Variants in SRP72 observed in about 807,000 individuals in gnomAD.
SRP72 encodes signal recognition particle subunit SRP72.
In SRP72, 49 loss-of-function variants were observed where a neutral mutation model predicts 96.3. That is an observed-to-expected ratio of 0.51 (90% confidence interval 0.40 to 0.65). The LOEUF is 0.65. Ranked by LOEUF, SRP72 falls within the 30% of genes least tolerant of loss-of-function variation. SRP72 has a pLI of 0.00. For missense variants in SRP72, 736 were observed against 793.3 expected, an observed-to-expected ratio of 0.93 and a Z score of 0.87; for synonymous variants, 267 against 275.2, an observed-to-expected ratio of 0.97 and a Z score of 0.30.
At chr4:56,473,905 T>G in intron 3 of SRP72, 149 bp from the exon 4 acceptor site, 1 of 695,726 alleles carries the variant, frequency 1.4e-6, no homozygotes, top group Non-Finnish European at 2.3e-6. Flanking sequence ...TACATGGAAC[T>G]ATTTAAAAAT....
chr4:56,502,377 G>A lies in SRP72; in HGVS notation c.*516G>A, dbSNP rs1437532259. ...ACTGATGTTCTTCACTAAATGGATG[G>A]CCACAAGAAAAATAAAGTAAATGTC... On this transcript the variant is annotated 3_prime_UTR_variant, in exon 19 of 19. Transcript: ENST00000642900. The A allele has an allele frequency of 6.6e-6, 1 of 150,870 alleles. No homozygotes were observed. Among genetic ancestry groups the A allele is most frequent in the Non-Finnish European group, 1.5e-5 (1 of 67,916 alleles). 9.3% of individuals were successfully genotyped at this position (150,870 alleles called of 1,614,324 possible).
intron 6 of SRP72, 132 bp downstream of exon 6, chr4:56,476,834 C>A: frequency 1.2e-6 from 1 of 844,170 alleles, no homozygotes; most frequent in Non-Finnish European, 1.8e-6. Flanking sequence ...CACTAGAAAC[C>A]ACCCTCTAGT....
chr4:56,486,109 A>T, intron 10 of SRP72: 1 of 440,020 alleles, frequency 2.3e-6, no homozygotes, highest in Non-Finnish European at 4.2e-6. Flanking sequence ...GACTTACAGA[A>T]AACTTGACTT....
At chr4:56,487,143 A>G (rs771672861) in intron 11 of SRP72, among the ~76,000 whole-genome samples, 5 of 152,186 alleles carry the variant, frequency 3.3e-5, no homozygotes, top group Non-Finnish European at 7.4e-5. Context: ...CTGGTATAGA[A>G]TGTGGATTTT....
chr4:56,486,215 T>G (rs527716962), intron 10 of SRP72, 110 bp from the exon 11 acceptor site: 7 of 752,244 alleles, frequency 9.3e-6, no homozygotes, highest in Non-Finnish European at 1.2e-5. Context: ...GCCAGAAGTT[T>G]AATGTTTTAA....
chr4:56,468,156 T>C (rs1719822728), intron 1 of SRP72, among the ~76,000 whole-genome samples: 1 of 152,214 alleles, frequency 6.6e-6, no homozygotes, highest in Admixed American at 6.5e-5. Context: ...AGGGAGCTTG[T>C]TCTCTTTGGC....
At chr4:56,495,789 A>T (rs1396755109) in intron 17 of SRP72, among the ~76,000 whole-genome samples, 6 of 152,246 alleles carry the variant, frequency 3.9e-5, no homozygotes. Flanking sequence ...ACAAAATTCC[A>T]TCAAACTAGC....
chr4:56,493,850 A>C (rs1185408125), intron 16 of SRP72, among the ~76,000 whole-genome samples: 3 of 152,176 alleles, frequency 2.0e-5, no homozygotes, highest in Non-Finnish European at 4.4e-5. Flanking sequence ...TGGGTGACCG[A>C]ATGAGACTCT....
chr4:56,474,399 G>T lies in SRP72; in HGVS notation c.610+8G>T. On this transcript the variant is annotated splice_region_variant and intron_variant, in intron 5 of 18. Transcript: ENST00000642900. ...TCCTACAAAAAGCTGAAGGTTGGAA[G>T]TTTGTTAAACTTATCTGTAAATATA... The T allele has an allele frequency of 3.1e-6, 5 of 1,610,374 alleles. No homozygotes were observed. The highest frequency in any genetic ancestry group is 4.2e-6 in the Non-Finnish European group (5 of 1,178,820).
intron 8 of SRP72, among the ~76,000 whole-genome samples, chr4:56,481,605 T>C (rs949580248): frequency 6.6e-6 from 1 of 150,660 alleles, no homozygotes; most frequent in Non-Finnish European, 1.5e-5. Context: ...AAAAAAAAAA[T>C]GGGTTCAAAA....
At chr4:56,472,084 A>G (rs1270153227) in intron 3 of SRP72, among the ~76,000 whole-genome samples, 1 of 152,202 alleles carries the variant, frequency 6.6e-6, no homozygotes, top group East Asian at 1.9e-4. Flanking sequence ...AAATGAACTA[A>G]TCTGTTTAAT....
intron 16 of SRP72, among the ~76,000 whole-genome samples, chr4:56,492,357 C>T (rs961910517): frequency 7.9e-5 from 12 of 152,160 alleles, no homozygotes; most frequent in Non-Finnish European, 1.3e-4. Flanking sequence ...TAGTCGGCTT[C>T]ATCTACTTAA....
chr4:56,500,427 T>A (rs767790017), intron 17 of SRP72, 109 bp from the exon 18 acceptor site: 74 of 1,183,188 alleles, frequency 6.3e-5, no homozygotes, highest in Non-Finnish European at 7.9e-5. Flanking sequence ...CTCAAATAAA[T>A]TCATTTCCAT....
chr4:56,472,425 A>T (rs1263219266), intron 3 of SRP72, among the ~76,000 whole-genome samples: 1 of 148,228 alleles, frequency 6.7e-6, no homozygotes, highest in Non-Finnish European at 1.5e-5. Flanking sequence ...GGCTCACTGC[A>T]GCCTCTGACT....
chr4:56,485,146 A>C (rs1035932894), intron 10 of SRP72, among the ~76,000 whole-genome samples: 8 of 152,202 alleles, frequency 5.3e-5, no homozygotes, highest in Non-Finnish European at 1.0e-4. Context: ...TCATTTAGGC[A>C]TGTATAATTC....
In SRP72 at chr4:56,501,663, A is replaced by G. The variant is rs781460548; in HGVS notation, c.1839-21A>G. 9.3e-6 allele frequency: 15 copies of G among 1,608,924 alleles called. 1 individual carries two copies. Among genetic ancestry groups the G allele is most frequent in the South Asian group, 4.4e-5 (4 of 89,932 alleles). The stretch of plus-strand genomic sequence containing the variant: ...CCTTCGTTGAATATATGAGTGACCA[A>G]AAATGATCTGATGATTTCAGGGATG... On this transcript the variant is annotated intron_variant, in intron 18 of 18. Transcript: ENST00000642900.
At chr4:56,496,642 TG>T (rs1293616067) in intron 17 of SRP72, among the ~76,000 whole-genome samples, 36 of 152,306 alleles carry the variant, frequency 2.4e-4, no homozygotes, top group African/African-American at 8.2e-4. Flanking sequence ...CAAAGGTAGT[TG>T]TTATCTATCA....
chr4:56,489,373 C>T lies in SRP72; in HGVS notation c.1225-15C>T, dbSNP rs764933296. ...TGAAGGGGGAGTTCACTAATTTATA[C>T]CTTTGGCTGTGTAGGTATCTGCATT... On this transcript the variant is annotated splice_polypyrimidine_tract_variant and intron_variant, in intron 12 of 18. Coordinates refer to ENST00000642900, the MANE Select transcript of SRP72 (RefSeq NM_006947.4). The T allele has an allele frequency of 6.6e-7, 1 of 1,513,374 alleles. No individual in the cohort carries two copies. The highest frequency in any genetic ancestry group is 9.0e-7 in the Non-Finnish European group (1 of 1,105,840). 93.7% of individuals were successfully genotyped at this position (1,513,374 alleles called of 1,614,324 possible). A position where few individuals can be genotyped will look rare whatever the true frequency, so the allele number is the denominator to read the frequency against.
chr4:56,471,725 C>G lies in SRP72; in HGVS notation c.236C>G (p.Ser79Cys). The change falls in exon 3 of 19, where the codon TCT becomes TGT. Residue 79 changes from serine to cysteine, a missense_variant. Around this residue, in one of 3 missense-constraint regions of SRP72, gnomAD observed 329 missense variants for 319.0 expected, o/e 1.03. Coordinates refer to ENST00000642900, the MANE Select transcript of SRP72 (RefSeq NM_006947.4). ...GTTTTTTTTTCCTTCTTCAGTAACT[C>G]TCTCTCCTTTGAAAAGGCATATTGC... ...NTHTKVLANN[S>C]LSFEKAYCEY... 2.5e-6 allele frequency: 4 copies of G among 1,611,302 alleles called. No homozygotes were observed. Among genetic ancestry groups the G allele is most frequent in the South Asian group, 1.1e-5 (1 of 90,482 alleles).
Sources: allele counts gnomAD v4.1 joint callset (sites outside exome capture counted in the v4.1 genomes callset), GRCh38; gene constraint gnomAD v4.1.1; regional missense constraint gnomAD v4.1.1; transcripts MANE v1.5; gene names NCBI Gene and HGNC (gene_info 2026-07-23, HGNC 2026-07-21).